ANGPT1: variants seen among roughly 807,000 people sequenced by gnomAD.
ANGPT1 encodes the protein angiopoietin 1, also known as angiopoietin-1.
Under a neutral mutation model 62.2 loss-of-function variants are expected in ANGPT1, and 17 were observed. The observed-to-expected ratio is 0.27, with a 90% confidence interval of 0.19 to 0.41. The LOEUF is 0.41. ANGPT1 is among the 10% of genes least tolerant of loss of function. The pLI is 1.00. For synonymous variants in ANGPT1, 199 were observed against 198.9 expected, an observed-to-expected ratio of 1.00 and a Z score of 0.00; for missense variants, 478 against 594.9, an observed-to-expected ratio of 0.80 and a Z score of 2.04.
At chr8:107,438,624 A>G (rs1811395531) in intron 1 of ANGPT1, among the ~76,000 whole-genome samples, 1 of 152,174 alleles carries the variant, frequency 6.6e-6, no homozygotes, top group Non-Finnish European at 1.5e-5. Context: ...CCATATGCTT[A>G]TCTTTACTAT....
intron 1 of ANGPT1, among the ~76,000 whole-genome samples, chr8:107,400,967 AC>A (rs1208369380): frequency 1.3e-5 from 2 of 151,752 alleles, no homozygotes; most frequent in Middle Eastern, 6.8e-3. Context: ...CAACACCTCC[AC>A]CCCGCACACA....
chr8:107,271,133 T>G (rs922421741), intron 7 of ANGPT1, among the ~76,000 whole-genome samples: 1 of 152,072 alleles, frequency 6.6e-6, no homozygotes, highest in African/African-American at 2.4e-5. Context: ...ATTAAGGCTG[T>G]GTCATGACCA....
At chr8:107,434,460 G>A (rs1302914824) in intron 1 of ANGPT1, among the ~76,000 whole-genome samples, 1 of 152,126 alleles carries the variant, frequency 6.6e-6, no homozygotes, top group Non-Finnish European at 1.5e-5. Flanking sequence ...CCAGAGTGAT[G>A]GGGTCAACGA....
intron 1 of ANGPT1, among the ~76,000 whole-genome samples, chr8:107,486,926 CT>C (rs750921206): frequency 6.6e-5 from 10 of 152,162 alleles, no homozygotes; most frequent in Non-Finnish European, 1.2e-4. Flanking sequence ...TGCAGACCAC[CT>C]TGGCTGAAGT....
At chr8:107,433,963 A>C (rs1035349476) in intron 1 of ANGPT1, among the ~76,000 whole-genome samples, 1 of 152,212 alleles carries the variant, frequency 6.6e-6, no homozygotes, top group South Asian at 2.1e-4. Context: ...GGTGATAGGA[A>C]CATATAATTC....
chr8:107,290,838 GA>G (rs1349600947), intron 6 of ANGPT1, among the ~76,000 whole-genome samples: 5 of 151,992 alleles, frequency 3.3e-5, no homozygotes, highest in Non-Finnish European at 7.4e-5. Flanking sequence ...TTCCAATAAT[GA>G]AAAAAGAATT....
At chr8:107,323,893 C>A (rs1033396019) in intron 3 of ANGPT1, among the ~76,000 whole-genome samples, 2 of 152,094 alleles carry the variant, frequency 1.3e-5, no homozygotes, top group Admixed American at 6.6e-5. Flanking sequence ...CATTCTCCTG[C>A]CTCAGCCTCC....
chr8:107,369,825 C>T (rs940997031), intron 1 of ANGPT1, among the ~76,000 whole-genome samples: 2 of 152,036 alleles, frequency 1.3e-5, no homozygotes, highest in East Asian at 1.9e-4. Flanking sequence ...CACTCCAAAA[C>T]GGTTACAATA....
chr8:107,417,401 C>T (rs1810781317), intron 1 of ANGPT1, among the ~76,000 whole-genome samples: 1 of 152,084 alleles, frequency 6.6e-6, no homozygotes, highest in African/African-American at 2.4e-5. Flanking sequence ...AACATCCTAA[C>T]TATTATCTGG....
At chr8:107,342,122 C>G (rs1815708914) in intron 2 of ANGPT1, among the ~76,000 whole-genome samples, 1 of 152,166 alleles carries the variant, frequency 6.6e-6, no homozygotes, top group Admixed American at 6.5e-5. Context: ...TTAGTTGGGT[C>G]AGACATCTTT....
rs1288689063 is a variant in ANGPT1 at position 107,303,377 on chromosome 8, A to G, written c.809-10T>C. The G allele has an allele frequency of 3.2e-5, 50 of 1,585,732 alleles. 1 individual carries two copies. The highest frequency in any genetic ancestry group is 4.1e-5 in the Non-Finnish European group (48 of 1,169,882). ...CCTCCCTTTAGTAAAACTGCAAAAA[A>G]AAAAAAAAAGATTGCAATATGTGAA... On this transcript the variant is annotated splice_polypyrimidine_tract_variant and intron_variant, in intron 4 of 8. Transcript: ENST00000517746.
At chr8:107,438,800 C>T (rs893524609) in intron 1 of ANGPT1, among the ~76,000 whole-genome samples, 5 of 151,760 alleles carry the variant, frequency 3.3e-5, no homozygotes, top group Admixed American at 6.6e-5. Flanking sequence ...AATGAGCATC[C>T]AAAAATATTT....
At chr8:107,487,863 G>A (rs1812854885) in intron 1 of ANGPT1, among the ~76,000 whole-genome samples, 1 of 152,124 alleles carries the variant, frequency 6.6e-6, no homozygotes, top group African/African-American at 2.4e-5. Context: ...CAAATCATCA[G>A]AGAATTTTGA....
intron 1 of ANGPT1, among the ~76,000 whole-genome samples, chr8:107,372,985 C>T (rs1369049458): frequency 6.6e-6 from 1 of 152,034 alleles, no homozygotes; most frequent in Non-Finnish European, 1.5e-5. Flanking sequence ...AAAACTATTA[C>T]CTGCAATTAA....
At chr8:107,304,994 GC>G (rs767905617) in intron 4 of ANGPT1, among the ~76,000 whole-genome samples, 12 of 151,896 alleles carry the variant, frequency 7.9e-5, no homozygotes, top group Non-Finnish European at 1.5e-4. Context: ...TTACTCAAAA[GC>G]CATCTTTAAT....
At chr8:107,377,260 C>T (rs546891395) in intron 1 of ANGPT1, among the ~76,000 whole-genome samples, 1 of 152,134 alleles carries the variant, frequency 6.6e-6, no homozygotes, top group Non-Finnish European at 1.5e-5. Flanking sequence ...TTCCTTTATT[C>T]TAAAATAACT....
intron 1 of ANGPT1, among the ~76,000 whole-genome samples, chr8:107,347,414 TTTTG>T (rs139935494): frequency 0.069 from 10,431 of 152,224 alleles, 852 homozygotes; most frequent in African/African-American, 0.2. Context: ...AGCTTTATTG[TTTTG>T]TTTATTTTAT....
At position 107,336,206 on chromosome 8, in the gene ANGPT1, T is replaced by C. The variant is rs755734067; in HGVS notation, c.519A>G (p.Leu173=). ...TTGTCTGTTGAAGAAGTTGCTTCTCTAGCTTGTAGGTGGATAATGAATTCT... is the reference window on the plus strand; with the variant it reads ...TTGTCTGTTGAAGAAGTTGCTTCTCCAGCTTGTAGGTGGATAATGAATTCT... ...LLENSLSTYK[L]EKQLLQQTNE... is the part of the protein sequence containing the mutation. Residue 173 remains leucine, a synonymous_variant, in exon 3 of 9, where the codon CTA becomes CTG. Transcript: ENST00000517746. The C allele has an allele frequency of 6.2e-7, 1 of 1,610,308 alleles. No homozygotes were observed. The highest frequency in any genetic ancestry group is 1.3e-5 in the African/African-American group (1 of 74,826).
chr8:107,463,227 C>A (rs1420549866), intron 1 of ANGPT1, among the ~76,000 whole-genome samples: 1 of 152,038 alleles, frequency 6.6e-6, no homozygotes, highest in Non-Finnish European at 1.5e-5. Context: ...AGCTCAACTG[C>A]CCACAAGAAG....
Sources: gnomAD v4.1 joint callset for allele counts (sites outside exome capture counted in the v4.1 genomes callset) on GRCh38, gnomAD v4.1.1 for gene constraint, MANE v1.5 for transcripts, NCBI Gene and HGNC (gene_info 2026-07-23, HGNC 2026-07-21) for gene names.